The following UACA variants were observed in gnomAD, a reference collection of about 807,000 sequenced individuals.
UACA encodes the protein uveal autoantigen with coiled-coil domains and ankyrin repeats, also known as nuclear membrane binding protein.
A neutral mutation model predicts 160.5 loss-of-function variants in UACA; 112 were observed. The ratio of observed to expected loss-of-function variants is 0.70; its 90% CI spans 0.60 to 0.82. UACA has a LOEUF of 0.82. Among genes scored for constraint, UACA ranks in the 40% least tolerant of loss-of-function variants. The pLI is 0.00. For missense variants in UACA, 1,574 were observed against 1,614.6 expected, an observed-to-expected ratio of 0.97 and a Z score of 0.43; for synonymous variants, 557 against 568.4, an observed-to-expected ratio of 0.98 and a Z score of 0.29.
Position 70,655,725 on chromosome 15 carries a change from T to G in UACA, c.*1331A>C, listed in dbSNP as rs1450598040. On this transcript the variant is annotated 3_prime_UTR_variant, in exon 19 of 19. Transcript: ENST00000322954. Reference sequence around the variant, plus strand: ...AACACCGAAAAAATATGATGGCTTATTCTTTGGTATGAGAAGTCATTTTGA... The same window carrying G: ...AACACCGAAAAAATATGATGGCTTAGTCTTTGGTATGAGAAGTCATTTTGA... 1 of 152,226 alleles carries G rather than the reference T, an allele frequency of 6.6e-6. No homozygotes were observed. Among genetic ancestry groups the G allele is most frequent in the Middle Eastern group, 3.2e-3 (1 of 316 alleles). The allele number at this position is 152,226 out of a possible 1,614,324, so 9.4% of individuals were successfully genotyped here.
Position 70,676,480 on chromosome 15 carries a change from A to G in UACA, c.1131+13T>C, listed in dbSNP as rs139204636. ...CATTATGAATTACAGGAAATAATTT[A>G]TCCTTTCTATACCTCAAAATATTTA... On this transcript the variant is annotated intron_variant, in intron 13 of 18. Transcript: ENST00000322954. 6.5e-7 allele frequency: 1 copy of G among 1,547,284 alleles called. No homozygotes were observed. Among genetic ancestry groups the G allele is most frequent in the African/African-American group, 1.4e-5 (1 of 73,448 alleles).
intron 6 of UACA, 21 bp from the exon 7 acceptor site, chr15:70,687,667 A>C: frequency 6.2e-7 from 1 of 1,613,710 alleles, no homozygotes; most frequent in Non-Finnish European, 8.5e-7. Context: ...GGAAAAATAA[A>C]ACAGCATTAA....
At position 70,664,798 on chromosome 15, in the gene UACA, T is replaced by A; in HGVS notation, c.3977A>T (p.Asn1326Ile). 6.2e-7 allele frequency: 1 copy of A among 1,612,528 alleles called. No homozygotes were observed. Among genetic ancestry groups the A allele is most frequent in the Non-Finnish European group, 8.5e-7 (1 of 1,179,484 alleles). ...TGCCTGTTTTAATCTTTCCACATCATTAAGCAGTTCAGTTATCTTTAAAAA... is the reference window on the plus strand; with the variant it reads ...TGCCTGTTTTAATCTTTCCACATCAATAAGCAGTTCAGTTATCTTTAAAAA... ...AKDNKITELL[N>I]DVERLKQALN... The change falls in exon 17 of 19, where the codon AAT (asparagine) becomes ATT (isoleucine). Residue 1326 changes from asparagine to isoleucine, a missense_variant. By Grantham distance (149) the Asn-to-Ile change is moderately radical. Transcript: ENST00000322954.
chr15:70,738,020 A>G (rs1899420966), intron 1 of UACA, among the ~76,000 whole-genome samples: 1 of 152,208 alleles, frequency 6.6e-6, no homozygotes, highest in Admixed American at 6.5e-5. Flanking sequence ...GGGACTTCCC[A>G]TTAATGTTTT....
At chr15:70,772,492 C>CAAAAAAAAAAAA in the UACA span, among the ~76,000 whole-genome samples, 2 of 49,578 alleles carry the variant, frequency 4.0e-5, no homozygotes, top group Non-Finnish European at 9.2e-5. Flanking sequence ...GCCTCCATCT[C>CAAAAAAAAAAAA]AAAAAAAAAA....
upstream of UACA, among the ~76,000 whole-genome samples, chr15:70,765,271 G>A (rs1192727591): frequency 6.6e-6 from 1 of 151,868 alleles, no homozygotes; most frequent in African/African-American, 2.4e-5. Flanking sequence ...GGATGTCGGG[G>A]GCTTCTGGAA....
At chr15:70,715,824 GATT>G (rs1898805035) in intron 1 of UACA, among the ~76,000 whole-genome samples, 2 of 152,044 alleles carry the variant, frequency 1.3e-5, no homozygotes, top group Admixed American at 6.5e-5. Flanking sequence ...TATAAATAAG[GATT>G]ATATTTCAAA....
chr15:70,711,027 A>G (rs1476107446), intron 1 of UACA, among the ~76,000 whole-genome samples: 1 of 152,096 alleles, frequency 6.6e-6, no homozygotes, highest in Admixed American at 6.5e-5. Flanking sequence ...CCCCATCCTG[A>G]AACTATCTAG....
Position 70,690,978 on chromosome 15 carries a change from T to C in UACA, c.366+321A>G, listed in dbSNP as rs969488410. Reference sequence around the variant, plus strand: ...GTAGTATAAGTTATCTGTGTTTGAATAGAAATATACAGGTCCTATGTTGTA... The same window carrying C: ...GTAGTATAAGTTATCTGTGTTTGAACAGAAATATACAGGTCCTATGTTGTA... On this transcript the variant is annotated intron_variant, in intron 4 of 18. Coordinates refer to ENST00000322954, the MANE Select transcript of UACA (RefSeq NM_018003.4). Among the ~76,000 whole-genome samples, 38 of 152,186 alleles carry C rather than the reference T, an allele frequency of 2.5e-4. 2 individuals are homozygous for C. The highest frequency in any genetic ancestry group is 1.0e-4 in the Non-Finnish European group (7 of 68,010).
At chr15:70,772,871 C>G in the UACA span, among the ~76,000 whole-genome samples, 1 of 151,800 alleles carries the variant, frequency 6.6e-6, no homozygotes, top group African/African-American at 2.4e-5. Flanking sequence ...GGTGGATCAC[C>G]TAAGGTCAGG....
intron 1 of UACA, among the ~76,000 whole-genome samples, chr15:70,707,647 C>G (rs1365801519): frequency 6.6e-6 from 1 of 151,378 alleles, no homozygotes; most frequent in Admixed American, 6.6e-5. Flanking sequence ...ATACAAATAG[C>G]CAACAGGCAT....
In UACA at chr15:70,668,360, T is replaced by A. The variant is rs746153669; in HGVS notation, c.2324A>T (p.Tyr775Phe). The change falls in exon 16 of 19, where the codon TAT (tyrosine) becomes TTT (phenylalanine). Residue 775 changes from tyrosine (Y) to phenylalanine (F), a missense_variant. Physicochemically the swap from Tyr to Phe is conservative, Grantham distance 22 (BLOSUM62 3). Transcript: ENST00000322954. ...CTCCATTTCCAACTTCTTTTCTGTA[T>A]ATTTTTGTGTTACATCTAAAAGCTT... ...NRKLLDVTQK[Y>F]TEKKLEMEKL... 6.2e-7 allele frequency: 1 copy of A among 1,608,180 alleles called. No individual in the cohort carries two copies. The highest frequency in any genetic ancestry group is 8.5e-7 in the Non-Finnish European group (1 of 1,178,728).
intron 12 of UACA, 118 bp from the exon 13 acceptor site, chr15:70,676,709 A>G: frequency 1.4e-6 from 1 of 728,692 alleles, no homozygotes; most frequent in South Asian, 1.9e-5. Flanking sequence ...TGAATTCTCC[A>G]ACCTGGTGAA....
At chr15:70,776,273 T>A in the UACA span, among the ~76,000 whole-genome samples, 10 of 152,310 alleles carry the variant, frequency 6.6e-5, no homozygotes, top group African/African-American at 2.2e-4. Flanking sequence ...TTAATTAATT[T>A]ATTTATTCAT....
intron 1 of UACA, among the ~76,000 whole-genome samples, chr15:70,708,325 T>TAAG (rs1435436573): frequency 6.6e-6 from 1 of 152,198 alleles, no homozygotes; most frequent in Non-Finnish European, 1.5e-5. Context: ...TTTTGCAAGA[T>TAAG]AAAGTTTTAA....
Position 70,763,372 on chromosome 15 carries a change from G to T in UACA, c.36C>A (p.Asp12Glu). 1 of 1,335,118 alleles carries T rather than the reference G, an allele frequency of 7.5e-7. No homozygotes were observed. Among genetic ancestry groups the T allele is most frequent in the South Asian group, 2.0e-5 (1 of 50,486 alleles). The allele number at this position is 1,335,118 out of a possible 1,614,324, so 82.7% of individuals were successfully genotyped here. ...KSLKSRLRRQ[D>E]VPGPASSGAA... ...CGCCAGACGACGCGGGGCCGGGCAC[G>T]TCCTGCCTCCTCAGGCGGGACTTGA... is the stretch of plus-strand genomic sequence containing the variant. The change falls in exon 1 of 19, where the codon GAC becomes GAA. Residue 12 changes from aspartate (D) to glutamate (E), a missense_variant. Coordinates refer to ENST00000322954, the MANE Select transcript of UACA (RefSeq NM_018003.4).
At position 70,668,059 on chromosome 15, in the gene UACA, C is replaced by T. The variant is rs370496255; in HGVS notation, c.2625G>A (p.Thr875=). The change falls in exon 16 of 19, where the codon ACG becomes ACA. Residue 875 remains threonine (T), a synonymous_variant. Coordinates refer to ENST00000322954, the MANE Select transcript of UACA (RefSeq NM_018003.4). ...HEEVKMTLND[T]LAKTNRELLD... ...ATAATTCTCTGTTAGTTTTGGCTAA[C>T]GTGTCATTCAGTGTCATTTTAACCT... The T allele has an allele frequency of 1.7e-5, 28 of 1,612,670 alleles. No homozygotes were observed. Among genetic ancestry groups the T allele is most frequent in the African/African-American group, 2.7e-5 (2 of 74,856 alleles).
In UACA at chr15:70,668,877, C is replaced by T; in HGVS notation, c.1807G>A (p.Glu603Lys). The T allele has an allele frequency of 6.2e-7, 1 of 1,613,758 alleles. No individual in the cohort carries two copies. Among genetic ancestry groups the T allele is most frequent in the Non-Finnish European group, 8.5e-7 (1 of 1,179,988 alleles). Reference protein sequence around the residue: ...KELSMCEMEREKKGRKVTEME... With the variant: ...KELSMCEMERKKKGRKVTEME... ...TCTGTGACCTTTCTTCCTTTCTTCT[C>T]TCGCTCCATTTCACACATACTAAGT... Residue 603 changes from glutamate (E) to lysine (K), a missense_variant, in exon 16 of 19, where the codon GAG (glutamate) becomes AAG (lysine). By Grantham distance (56) the Glu-to-Lys change is moderately conservative. Transcript: ENST00000322954.
At chr15:70,728,797 C>G (rs956589507) in intron 1 of UACA, among the ~76,000 whole-genome samples, 1 of 151,488 alleles carries the variant, frequency 6.6e-6, no homozygotes, top group Non-Finnish European at 1.5e-5. Flanking sequence ...ATGTATCCAA[C>G]AAAGGTTTAA....
Sources: allele counts gnomAD v4.1 joint callset (sites outside exome capture counted in the v4.1 genomes callset), GRCh38; gene constraint gnomAD v4.1.1; transcripts MANE v1.5; gene names NCBI Gene and HGNC (gene_info 2026-07-23, HGNC 2026-07-21).